The following ROBO2 variants were observed in gnomAD, a reference collection of about 807,000 sequenced individuals.
The protein encoded by ROBO2 is roundabout homolog 2.
A neutral mutation model predicts 160.8 loss-of-function variants in ROBO2; 53 were observed. The observed-to-expected ratio is 0.33, with a 90% CI of 0.26 to 0.41. The LOEUF (loss-of-function observed/expected upper bound fraction) is 0.41, where lower values mean the gene tolerates loss of function less well. ROBO2 is among the 10% of genes least tolerant of loss of function. ROBO2 has a pLI of 1.00. For synonymous variants in ROBO2, 664 were observed against 611.7 expected, an observed-to-expected ratio of 1.09 and a Z score of -1.26; for missense variants, 1,577 against 1,722.4, an observed-to-expected ratio of 0.92 and a Z score of 1.49.
At chr3:76,287,360 A>G (rs1290772828) in intron 2 of ROBO2, among the ~76,000 whole-genome samples, 5 of 151,566 alleles carry the variant, frequency 3.3e-5, no homozygotes, top group African/African-American at 9.7e-5. Context: ...CAGTGGCACA[A>G]TCTCGGATCA....
In ROBO2 at chr3:76,399,887, A is replaced by T. The variant is rs2077714089; in HGVS notation, c.109+462285A>T. ...AGTATTATAATACCATATAGTAGAT[A>T]CAGTTTGACTTTGATAGAAAAATAT... On this transcript the variant is annotated intron_variant, in intron 2 of 26. Coordinates refer to the ROBO2 transcript ENST00000487694. Among the ~76,000 whole-genome samples, 3 of 151,906 alleles carry T rather than the reference A, an allele frequency of 2.0e-5. No homozygotes were observed. In the South Asian group the frequency reaches 6.2e-4, roughly 31 times the overall value.
At chr3:77,544,291 A>G (rs2153646954) in intron 6 of ROBO2, among the ~76,000 whole-genome samples, 1 of 152,256 alleles carries the variant, frequency 6.6e-6, no homozygotes, top group Non-Finnish European at 1.5e-5. Flanking sequence ...AACTGTGTGG[A>G]AATAACAAGA....
chr3:76,313,495 C>A (rs1411818318), intron 2 of ROBO2, among the ~76,000 whole-genome samples: 1 of 152,096 alleles, frequency 6.6e-6, no homozygotes, highest in African/African-American at 2.4e-5. Flanking sequence ...AGATACCTTG[C>A]AGAGGTGTTC....
chr3:77,125,315 A>G (rs1019977963), intron 2 of ROBO2, among the ~76,000 whole-genome samples: 3 of 152,180 alleles, frequency 2.0e-5, no homozygotes, highest in Non-Finnish European at 4.4e-5. Flanking sequence ...AGGTGACTAT[A>G]GTGAAGGAAG....
At chr3:77,179,032 A>T (rs2080433263) in intron 2 of ROBO2, among the ~76,000 whole-genome samples, 1 of 152,086 alleles carries the variant, frequency 6.6e-6, no homozygotes, top group Admixed American at 6.6e-5. Flanking sequence ...GTACTAACAT[A>T]TCATAGTATG....
intron 2 of ROBO2, among the ~76,000 whole-genome samples, chr3:77,105,079 G>T (rs550736005): frequency 6.6e-6 from 1 of 152,106 alleles, no homozygotes; most frequent in Admixed American, 6.5e-5. Context: ...CTTCATTCTC[G>T]GGTTACTTTC....
chr3:77,622,196 T>G, intron 22 of ROBO2, 31 bp from the exon 24 acceptor site: 1 of 1,602,548 alleles, frequency 6.2e-7, no homozygotes, highest in Admixed American at 1.7e-5. Context: ...AATAAGTTGC[T>G]TTTCTTTTTT....
chr3:77,516,795 G>T (rs574903839), intron 5 of ROBO2, among the ~76,000 whole-genome samples: 1 of 151,556 alleles, frequency 6.6e-6, no homozygotes, highest in East Asian at 1.9e-4. Flanking sequence ...ACATTACTAT[G>T]CTTCTTGATA....
At chr3:77,433,160 A>T (rs971803487) in intron 2 of ROBO2, among the ~76,000 whole-genome samples, 3 of 151,944 alleles carry the variant, frequency 2.0e-5, no homozygotes, top group African/African-American at 7.2e-5. Context: ...TTGCGATGAG[A>T]CACCTTGCAG....
chr3:76,607,785 CCTT>C (rs1247354411), intron 2 of ROBO2, among the ~76,000 whole-genome samples: 1 of 152,186 alleles, frequency 6.6e-6, no homozygotes, highest in Non-Finnish European at 1.5e-5. Flanking sequence ...CTTGACATCT[CCTT>C]CTCTCTTATC....
intron 2 of ROBO2, among the ~76,000 whole-genome samples, chr3:77,330,817 T>C (rs1173871154): frequency 1.3e-5 from 2 of 152,232 alleles, no homozygotes; most frequent in Non-Finnish European, 2.9e-5. Context: ...GAACACTGTC[T>C]TATCCTATTT....
At chr3:77,409,477 C>T (rs921825831) in intron 2 of ROBO2, among the ~76,000 whole-genome samples, 2 of 151,962 alleles carry the variant, frequency 1.3e-5, no homozygotes, top group African/African-American at 4.8e-5. Flanking sequence ...TGCAAAATTG[C>T]CAAGAGAGCA....
At chr3:77,083,775 T>C (rs143778695) in intron 1 of ROBO2, among the ~76,000 whole-genome samples, 1 of 152,142 alleles carries the variant, frequency 6.6e-6, no homozygotes, top group Non-Finnish European at 1.5e-5. Context: ...ATGGAGTTGA[T>C]GTCAGGAAGG....
At chr3:76,798,269 AAAGAAAG>A in intron 2 of ROBO2, among the ~76,000 whole-genome samples, 1 of 145,642 alleles carries the variant, frequency 6.9e-6, no homozygotes. Flanking sequence ...GGAAAGAAAG[AAAGAAAG>A]AAAGAAAGAA....
rs542853277 is a variant in ROBO2 at position 77,215,398 on chromosome 3, A to C, written c.388+117058A>C. Among the ~76,000 whole-genome samples the C allele has an allele frequency of 4.2e-4, 64 of 152,100 alleles. 1 individual carries two copies. Among genetic ancestry groups the C allele is most frequent in the African/African-American group, 1.4e-3 (59 of 41,464 alleles). ...GGCTACTGAGGCTTGTGCATTCATC[A>C]TGTAGTTCTCGTGCCGTGGATTTCA... is the stretch of plus-strand genomic sequence containing the variant. On this transcript the variant is annotated intron_variant, in intron 2 of 25. Transcript: ENST00000461745.
intron 2 of ROBO2, among the ~76,000 whole-genome samples, chr3:77,288,959 G>A (rs777918216): frequency 6.6e-6 from 1 of 152,124 alleles, no homozygotes; most frequent in Non-Finnish European, 1.5e-5. Context: ...CCTCTATATT[G>A]AAGGGCTAAT....
At chr3:76,199,241 A>C (rs901324899) in intron 2 of ROBO2, among the ~76,000 whole-genome samples, 2 of 152,140 alleles carry the variant, frequency 1.3e-5, no homozygotes, top group African/African-American at 4.8e-5. Flanking sequence ...AGTGAGAGAA[A>C]GCCACCTTGG....
chr3:76,260,501 T>C (rs1706675843), intron 2 of ROBO2, among the ~76,000 whole-genome samples: 1 of 152,100 alleles, frequency 6.6e-6, no homozygotes, highest in Admixed American at 6.6e-5. Flanking sequence ...TTCAAGATCA[T>C]TTTCATTTTC....
intron 17 of ROBO2, among the ~76,000 whole-genome samples, chr3:77,591,287 G>A (rs1232939579): frequency 6.6e-6 from 1 of 152,046 alleles, no homozygotes; most frequent in African/African-American, 2.4e-5. Context: ...ATCGGGAAAG[G>A]GAATGAGGCT....
Sources: allele counts gnomAD v4.1 joint callset (sites outside exome capture counted in the v4.1 genomes callset), GRCh38; gene constraint gnomAD v4.1.1; transcripts MANE v1.5; gene names NCBI Gene and HGNC (gene_info 2026-07-23, HGNC 2026-07-21).